Variants in IP6K2 observed in about 807,000 individuals in gnomAD.
The protein encoded by IP6K2 is inositol hexakisphosphate kinase 2.
A neutral mutation model predicts 43.3 loss-of-function variants in IP6K2; 9 were observed. The observed-to-expected ratio is 0.21, with a 90% confidence interval of 0.13 to 0.36. The LOEUF (loss-of-function observed/expected upper bound fraction) is 0.36. Among genes scored for constraint, IP6K2 ranks in the 10% least tolerant of loss-of-function variants. The probability of loss-of-function intolerance (pLI) is 1.00; values close to 1 mark genes in which losing one functional copy is unlikely to be tolerated. For synonymous variants in IP6K2, 209 were observed against 202.4 expected (o/e 1.03, Z -0.28); for missense variants, 332 against 538.4 (o/e 0.62, Z 3.79).
At chr3:48,703,349 G>T (rs1463206035) in intron 1 of IP6K2, among the ~76,000 whole-genome samples, 8 of 152,264 alleles carry the variant, frequency 5.3e-5, no homozygotes, top group African/African-American at 1.9e-4. Context: ...AATATTCTGT[G>T]TTGATACTGA....
Position 48,688,848 on chromosome 3 carries a change from T to C in IP6K2, c.781-75A>G, listed in dbSNP as rs562767061. On this transcript the variant is annotated intron_variant, in intron 5 of 5. Coordinates refer to ENST00000328631, the MANE Select transcript of IP6K2 (RefSeq NM_016291.4). The surrounding 1 kb of genome is among the most constrained non-coding windows in gnomAD (Gnocchi z 5.1). Reference sequence around the variant, plus strand: ...TGGACCCCGGGCGGGGGTGGGGTGGTGTGGTGGTGGCGGCATGTGACAGCC... The same window carrying C: ...TGGACCCCGGGCGGGGGTGGGGTGGCGTGGTGGTGGCGGCATGTGACAGCC... 6 of 1,499,214 alleles carry C rather than the reference T, an allele frequency of 4.0e-6. No individual in the cohort carries two copies. In the African/African-American group the frequency reaches 5.6e-5, roughly 14 times the overall value. 92.9% of individuals were successfully genotyped at this position (1,499,214 alleles called of 1,614,324 possible). A position where few individuals can be genotyped will look rare whatever the true frequency, so the allele number is the denominator to read the frequency against.
intron 2 of IP6K2, chr3:48,693,692 A>C (rs1306252450): frequency 9.2e-7 from 1 of 1,083,058 alleles, no homozygotes; most frequent in Non-Finnish European, 1.1e-6. Flanking sequence ...GGCAAACAAA[A>C]CAAACCACAC....
At chr3:48,694,554 A>T in intron 2 of IP6K2, 1 of 1,521,878 alleles carries the variant, frequency 6.6e-7, no homozygotes, top group Admixed American at 2.5e-5. Context: ...AAAGAAATAA[A>T]AAATTATCAT....
rs901624682 is a variant in IP6K2 at position 48,695,865 on chromosome 3, T to C, written c.-130-444A>G. Among the ~76,000 whole-genome samples, 2 of 147,308 alleles carry C rather than the reference T, an allele frequency of 1.4e-5. No homozygotes were observed. The highest frequency in any genetic ancestry group is 6.8e-5 in the Admixed American group (1 of 14,676). On this transcript the variant is annotated intron_variant, in intron 1 of 5. Coordinates refer to ENST00000328631, the MANE Select transcript of IP6K2 (RefSeq NM_016291.4). The surrounding 1 kb of genome is among the most constrained non-coding windows in gnomAD (Gnocchi z 4.6). ...ATATATATTATATATATAAAATAAATATATATATATAATTTTTTAATATAT... is the reference window on the plus strand; with the variant it reads ...ATATATATTATATATATAAAATAAACATATATATATAATTTTTTAATATAT...
intron 2 of IP6K2, chr3:48,693,783 G>C (rs186042293): frequency 9.5e-7 from 1 of 1,047,862 alleles, no homozygotes; most frequent in Admixed American, 4.9e-5. Context: ...TATAAAATAT[G>C]TTTTTATTGG....
At chr3:48,689,476 T>C in intron 5 of IP6K2, 62 bp downstream of exon 5, 2 of 1,524,200 alleles carry the variant, frequency 1.3e-6, no homozygotes, top group Non-Finnish European at 8.9e-7. Context: ...CAAACAGGAC[T>C]ATACCAGGGT....
At chr3:48,712,216 C>T (rs932060086) in intron 1 of IP6K2, among the ~76,000 whole-genome samples, 1 of 150,068 alleles carries the variant, frequency 6.7e-6, no homozygotes, top group Non-Finnish European at 1.5e-5. Context: ...TAAAAAAAAG[C>T]GAGACCCTGT....
Position 48,688,093 on chromosome 3 carries a change from AAAAT to A in IP6K2, c.*176_*179del, listed in dbSNP as rs1258982986. The A allele has an allele frequency of 1.1e-5, 7 of 644,668 alleles. No individual in the cohort carries two copies. Among genetic ancestry groups the A allele is most frequent in the Non-Finnish European group, 1.1e-5 (4 of 364,576 alleles). 39.9% of individuals were successfully genotyped at this position (644,668 alleles called of 1,614,324 possible). On this transcript the variant is annotated 3_prime_UTR_variant, in exon 6 of 6. Transcript: ENST00000328631. This position sits in a 1 kb window ranked among gnomAD's most constrained non-coding sequence, Gnocchi z 5.1. ...AATGTGGAATGTTGAAGAAATAGTT[AAAAT>A]AAATAAAGACTCCAAGCACAGCTGG...
chr3:48,703,154 G>A (rs1177844433), intron 1 of IP6K2, among the ~76,000 whole-genome samples: 1 of 152,206 alleles, frequency 6.6e-6, no homozygotes, highest in African/African-American at 2.4e-5. Flanking sequence ...ACCTGCTGGT[G>A]TAGAAACATT....
intron 1 of IP6K2, among the ~76,000 whole-genome samples, chr3:48,698,876 C>A (rs907901967): frequency 1.3e-5 from 2 of 152,078 alleles, no homozygotes; most frequent in Non-Finnish European, 2.9e-5. Flanking sequence ...GACATTGAGG[C>A]TGCAGTGAGC....
At chr3:48,694,010 TTTC>T in intron 2 of IP6K2, 3 of 1,384,184 alleles carry the variant, frequency 2.2e-6, no homozygotes, top group South Asian at 3.5e-5. Context: ...GCTGAACACC[TTTC>T]CTCCCAGGCC....
chr3:48,716,779 C>G (rs1490755435), intron 1 of IP6K2, among the ~76,000 whole-genome samples: 1 of 152,080 alleles, frequency 6.6e-6, no homozygotes, highest in African/African-American at 2.4e-5. Flanking sequence ...AGATCGTGGC[C>G]GCCAATGACC....
chr3:48,707,290 A>T (rs2106989399), intron 1 of IP6K2, among the ~76,000 whole-genome samples: 1 of 152,362 alleles, frequency 6.6e-6, no homozygotes, highest in Non-Finnish European at 1.5e-5. Context: ...AAATCCACCT[A>T]GAAACAAACA....
intron 1 of IP6K2, among the ~76,000 whole-genome samples, chr3:48,703,771 A>G (rs1457837638): frequency 2.0e-5 from 3 of 151,614 alleles, no homozygotes; most frequent in African/African-American, 7.3e-5. Context: ...GGAGATGAGG[A>G]AATAAATATA....
chr3:48,704,084 C>G (rs2079398271), intron 1 of IP6K2, among the ~76,000 whole-genome samples: 1 of 151,658 alleles, frequency 6.6e-6, no homozygotes, highest in Non-Finnish European at 1.5e-5. Context: ...GAGTGAGACT[C>G]TATCTCAAAA....
intron 1 of IP6K2, chr3:48,715,520 C>T (rs2081092329): frequency 1.4e-6 from 2 of 1,480,840 alleles, no homozygotes; most frequent in African/African-American, 2.8e-5. Context: ...TGTCTGTCAC[C>T]TAGGAAGCTT....
Position 48,688,653 on chromosome 3 carries a change from G to A in IP6K2, c.901C>T (p.Arg301Cys), listed in dbSNP as rs769513321. Residue 301 changes from arginine (R) to cysteine (C), a missense_variant, in exon 6 of 6, where the codon CGT becomes TGT. Coordinates refer to ENST00000328631, the MANE Select transcript of IP6K2 (RefSeq NM_016291.4). The surrounding 1 kb of genome is among the most constrained non-coding windows in gnomAD (Gnocchi z 5.1). ...TTGAGCACAGGGCCCAGGAGTTCAC[G>A]GCGCAGGTACCGCCCATTGTGGAAG... Reference protein sequence around the residue: ...QFFHNGRYLRRELLGPVLKKL... With the variant: ...QFFHNGRYLRCELLGPVLKKL... 12 of 1,614,098 alleles carry A rather than the reference G, an allele frequency of 7.4e-6. No homozygotes were observed. Among genetic ancestry groups the A allele is most frequent in the Non-Finnish European group, 7.6e-6 (9 of 1,180,048 alleles).
chr3:48,697,845 A>G (rs916185152), intron 1 of IP6K2, among the ~76,000 whole-genome samples: 26 of 152,100 alleles, frequency 1.7e-4, no homozygotes, highest in African/African-American at 5.6e-4. Context: ...CGCCTAACTA[A>G]TATTTTCTAT....
chr3:48,689,471 A>G, intron 5 of IP6K2, 67 bp downstream of exon 5: 1 of 1,496,662 alleles, frequency 6.7e-7, no homozygotes, highest in African/African-American at 1.4e-5. Context: ...TTGAGCAAAC[A>G]GGACTATACC....
Sources: allele counts gnomAD v4.1 joint callset (sites outside exome capture counted in the v4.1 genomes callset), GRCh38; gene constraint gnomAD v4.1.1; non-coding constraint Gnocchi (gnomAD v3.1); transcripts MANE v1.5; gene names NCBI Gene and HGNC (gene_info 2026-07-23, HGNC 2026-07-21).